Variants in MAML2 observed in about 807,000 individuals in gnomAD.
MAML2 encodes mastermind like transcriptional coactivator 2, also known as mastermind-like protein 2.
Under a neutral mutation model 96.1 loss-of-function variants are expected in MAML2, and 22 were observed. The ratio of observed to expected loss-of-function variants is 0.23; its 90% CI spans 0.16 to 0.33. MAML2 has a LOEUF of 0.33. Ranked by LOEUF, MAML2 falls within the 10% of genes least tolerant of loss-of-function variation. MAML2 has a pLI of 1.00. For synonymous variants in MAML2, 561 were observed against 521.3 expected, an observed-to-expected ratio of 1.08 and a Z score of -1.04; for missense variants, 1,367 against 1,392.4, an observed-to-expected ratio of 0.98 and a Z score of 0.29.
intron 1 of MAML2, among the ~76,000 whole-genome samples, chr11:96,240,917 T>C (rs1480804938): frequency 1.3e-5 from 2 of 152,176 alleles, no homozygotes; most frequent in Non-Finnish European, 2.9e-5. Context: ...CACTCAAATA[T>C]ATAATAATTC....
At chr11:96,049,770 G>T (rs945783435) in intron 2 of MAML2, among the ~76,000 whole-genome samples, 2 of 152,152 alleles carry the variant, frequency 1.3e-5, no homozygotes, top group Non-Finnish European at 2.9e-5. Flanking sequence ...AGAATAAATG[G>T]AGTACTTAAT....
intron 2 of MAML2, among the ~76,000 whole-genome samples, chr11:96,015,196 T>C (rs1345713603): frequency 1.3e-5 from 2 of 152,054 alleles, no homozygotes; most frequent in Non-Finnish European, 2.9e-5. Flanking sequence ...TGATCTAAAG[T>C]GGTGGTAAAT....
chr11:96,192,662 A>G (rs746190817), intron 1 of MAML2, among the ~76,000 whole-genome samples: 4 of 152,246 alleles, frequency 2.6e-5, no homozygotes, highest in Non-Finnish European at 5.9e-5. Flanking sequence ...TCTATATGCT[A>G]GCATTCCTTG....
At chr11:96,176,550 T>A (rs936885605) in intron 1 of MAML2, among the ~76,000 whole-genome samples, 1 of 151,964 alleles carries the variant, frequency 6.6e-6, no homozygotes, top group Non-Finnish European at 1.5e-5. Context: ...GGGCACAGAG[T>A]CTTCTTGCCA....
intron 4 of MAML2, 110 bp from the exon 5 acceptor site, chr11:95,980,073 T>G: frequency 1.3e-6 from 1 of 790,132 alleles, no homozygotes; most frequent in Non-Finnish European, 2.0e-6. Context: ...GTAAGACAAT[T>G]TAGGCGAAAT....
At chr11:96,131,762 C>A (rs1206491158) in intron 1 of MAML2, among the ~76,000 whole-genome samples, 1 of 152,168 alleles carries the variant, frequency 6.6e-6, no homozygotes, top group Non-Finnish European at 1.5e-5. Context: ...GTAATCCCAG[C>A]ACTTTGAGAG....
chr11:96,244,169 T>G (rs1249839940), intron 1 of MAML2, among the ~76,000 whole-genome samples: 4 of 152,352 alleles, frequency 2.6e-5, no homozygotes, highest in Admixed American at 2.6e-4. Flanking sequence ...TTTTGAAATA[T>G]TATTACCCCT....
At chr11:96,179,356 T>C (rs1440132819) in intron 1 of MAML2, among the ~76,000 whole-genome samples, 2 of 152,224 alleles carry the variant, frequency 1.3e-5, no homozygotes, top group Admixed American at 1.3e-4. Flanking sequence ...GAGAAAAATA[T>C]GACTTCGAGG....
chr11:96,023,020 T>C (rs1193217022), intron 2 of MAML2, among the ~76,000 whole-genome samples: 1 of 152,152 alleles, frequency 6.6e-6, no homozygotes, highest in Non-Finnish European at 1.5e-5. Flanking sequence ...AGGTAAGGCA[T>C]GCAGGGGATC....
chr11:96,246,488 G>A (rs1386613403), intron 1 of MAML2, among the ~76,000 whole-genome samples: 1 of 152,248 alleles, frequency 6.6e-6, no homozygotes, highest in South Asian at 2.1e-4. Context: ...GAGGGCGTCA[G>A]AGAGGAGATG....
intron 1 of MAML2, among the ~76,000 whole-genome samples, chr11:96,228,600 ACT>A (rs1355534967): frequency 6.6e-6 from 1 of 152,226 alleles, no homozygotes; most frequent in African/African-American, 2.4e-5. Flanking sequence ...GGGACATTTT[ACT>A]TTTGAGAACA....
At chr11:96,040,811 C>G (rs1298153727) in intron 2 of MAML2, among the ~76,000 whole-genome samples, 1 of 152,150 alleles carries the variant, frequency 6.6e-6, no homozygotes, top group Non-Finnish European at 1.5e-5. Context: ...CTTCTCATAA[C>G]TAACCACCCT....
intron 1 of MAML2, among the ~76,000 whole-genome samples, chr11:96,170,120 A>G (rs1193921605): frequency 6.6e-6 from 1 of 152,170 alleles, no homozygotes; most frequent in African/African-American, 2.4e-5. Context: ...GTCCCTTTCC[A>G]CTGGTTCAGG....
chr11:96,198,516 A>T (rs1425310287), intron 1 of MAML2, among the ~76,000 whole-genome samples: 1 of 152,146 alleles, frequency 6.6e-6, no homozygotes, highest in Admixed American at 6.5e-5. Flanking sequence ...ATGGGGGTAG[A>T]TGGAGGGTCC....
intron 1 of MAML2, among the ~76,000 whole-genome samples, chr11:96,340,488 A>C (rs1863978058): frequency 6.6e-6 from 1 of 152,228 alleles, no homozygotes. Context: ...TGGCACTGAG[A>C]ATCAATGATC....
intron 1 of MAML2, among the ~76,000 whole-genome samples, chr11:96,167,976 T>C (rs569299881): frequency 2.4e-4 from 36 of 152,350 alleles, no homozygotes; most frequent in Non-Finnish European, 4.6e-4. Context: ...CTGCTGAGAC[T>C]GTGAGCTCCT....
intron 1 of MAML2, among the ~76,000 whole-genome samples, chr11:96,250,701 A>G (rs1862570246): frequency 6.6e-6 from 1 of 152,240 alleles, no homozygotes. Flanking sequence ...TAAGTGATAG[A>G]CACATTTTAA....
In MAML2 at chr11:96,176,146, G is replaced by A. The variant is rs1210420859; in HGVS notation, c.514-82629C>T. On this transcript the variant is annotated intron_variant, in intron 1 of 4. Transcript: ENST00000524717. Reference sequence around the variant, plus strand: ...GCGGTTCAGAGATGCTGGGTCATTAGCCCAAAATCCTTGAAGAAGTCATTG... The same window carrying A: ...GCGGTTCAGAGATGCTGGGTCATTAACCCAAAATCCTTGAAGAAGTCATTG... Among the ~76,000 whole-genome samples, 4 of 152,088 alleles carry A rather than the reference G, an allele frequency of 2.6e-5. No individual in the cohort carries two copies. The East Asian group carries it at 7.7e-4, about 29-fold the overall frequency.
At chr11:96,202,177 C>CAAAAAAA (rs35124521) in intron 1 of MAML2, among the ~76,000 whole-genome samples, 40 of 75,852 alleles carry the variant, frequency 5.3e-4, no homozygotes, top group African/African-American at 1.0e-3. Context: ...ACTAAAAATA[C>CAAAAAAA]AAAAAAAAAA....
Sources: allele counts gnomAD v4.1 joint callset (sites outside exome capture counted in the v4.1 genomes callset), GRCh38; gene constraint gnomAD v4.1.1; transcripts MANE v1.5; gene names NCBI Gene and HGNC (gene_info 2026-07-23, HGNC 2026-07-21).